PDE1A: variants seen among roughly 807,000 people sequenced by gnomAD.
The protein encoded by PDE1A is phosphodiesterase 1A.
Under a neutral mutation model 61.7 loss-of-function variants are expected in PDE1A, and 35 were observed. That is an observed-to-expected ratio of 0.57 (90% CI 0.43 to 0.75). The LOEUF is 0.75. Ranked by LOEUF, PDE1A falls within the 30% of genes least tolerant of loss-of-function variation. The pLI is 0.00. For missense variants in PDE1A, 597 were observed against 630.6 expected (o/e 0.95, Z 0.57); for synonymous variants, 232 against 213.2 (o/e 1.09, Z -0.77).
chr2:182,487,267 A>G (rs1688078407), intron 2 of PDE1A, among the ~76,000 whole-genome samples: 1 of 152,192 alleles, frequency 6.6e-6, no homozygotes, highest in Non-Finnish European at 1.5e-5. Flanking sequence ...CTGCCGTACC[A>G]GGTGCCAGCG....
At chr2:182,430,850 C>T (rs1703902964), upstream of PDE1A, among the ~76,000 whole-genome samples, 1 of 120,614 alleles carries the variant, frequency 8.3e-6, no homozygotes, top group Non-Finnish European at 1.7e-5. Flanking sequence ...AGTAAACTAT[C>T]GCAAGAACAA....
At chr2:182,162,653 G>C (rs1691444154) in intron 13 of PDE1A, among the ~76,000 whole-genome samples, 1 of 152,114 alleles carries the variant, frequency 6.6e-6, no homozygotes, top group Non-Finnish European at 1.5e-5. Context: ...CTCTGGCCTT[G>C]TATCAGGGAA....
chr2:182,663,195 G>T, the PDE1A span, among the ~76,000 whole-genome samples: 4 of 152,184 alleles, frequency 2.6e-5, no homozygotes, highest in Non-Finnish European at 5.9e-5. Context: ...ACACTGGCAA[G>T]GTTGCAGAGA....
intron 13 of PDE1A, among the ~76,000 whole-genome samples, chr2:182,171,281 A>G: frequency 6.6e-6 from 1 of 152,066 alleles, no homozygotes; most frequent in East Asian, 1.9e-4. Context: ...TTTTATAGGA[A>G]TTCTAATGAA....
At chr2:182,355,595 C>T (rs915287218) in intron 1 of PDE1A, among the ~76,000 whole-genome samples, 1 of 151,934 alleles carries the variant, frequency 6.6e-6, no homozygotes, top group Non-Finnish European at 1.5e-5. Flanking sequence ...TGCCATATCT[C>T]ATCATACATC....
At chr2:182,566,437 GA>G in the PDE1A span, among the ~76,000 whole-genome samples, 1 of 151,594 alleles carries the variant, frequency 6.6e-6, no homozygotes, top group African/African-American at 2.4e-5. Context: ...ATAATGGAGG[GA>G]AAGATTTCAG....
the PDE1A span, among the ~76,000 whole-genome samples, chr2:182,648,048 G>C: frequency 1.3e-5 from 2 of 152,036 alleles, no homozygotes; most frequent in Non-Finnish European, 2.9e-5. Context: ...TAGAACACTT[G>C]TTTAAAAAAC....
chr2:182,449,865 A>G (rs1202737372), intron 2 of PDE1A, among the ~76,000 whole-genome samples: 2 of 152,014 alleles, frequency 1.3e-5, no homozygotes, highest in Non-Finnish European at 2.9e-5. Context: ...CTAATAACTG[A>G]AGAGAATCAG....
chr2:182,645,890 A>G, the PDE1A span, among the ~76,000 whole-genome samples: 1 of 152,186 alleles, frequency 6.6e-6, no homozygotes, highest in Non-Finnish European at 1.5e-5. Flanking sequence ...TTCATGTTAA[A>G]TGTCATCCAA....
intron 1 of PDE1A, among the ~76,000 whole-genome samples, chr2:182,419,496 C>G (rs960463823): frequency 6.6e-6 from 1 of 151,948 alleles, no homozygotes; most frequent in African/African-American, 2.4e-5. Context: ...CCACCACATC[C>G]GGCTAATTTG....
At chr2:182,359,066 C>T (rs1349916314) in intron 1 of PDE1A, among the ~76,000 whole-genome samples, 1 of 151,188 alleles carries the variant, frequency 6.6e-6, no homozygotes, top group Non-Finnish European at 1.5e-5. Flanking sequence ...ACTATAATTC[C>T]TAACATGTAG....
chr2:182,268,137 C>T (rs1249542439), intron 1 of PDE1A, among the ~76,000 whole-genome samples: 3 of 151,946 alleles, frequency 2.0e-5, no homozygotes, highest in Non-Finnish European at 4.4e-5. Flanking sequence ...TGTTCTGGTT[C>T]CCAAAGCTTA....
chr2:182,549,639 G>T, the PDE1A span, among the ~76,000 whole-genome samples: 1 of 151,980 alleles, frequency 6.6e-6, no homozygotes, highest in Non-Finnish European at 1.5e-5. Context: ...AGGCAAAACT[G>T]GGGAACTCTC....
the PDE1A span, among the ~76,000 whole-genome samples, chr2:182,546,993 C>CA: frequency 1.3e-5 from 2 of 151,968 alleles, no homozygotes; most frequent in Non-Finnish European, 2.9e-5. Context: ...TTTATGGAAT[C>CA]AAAAAAATGA....
chr2:182,270,099 C>T (rs73032434), intron 1 of PDE1A, among the ~76,000 whole-genome samples: 93 of 152,218 alleles, frequency 6.1e-4, no homozygotes, highest in African/African-American at 2.2e-3. Context: ...AAAATATGTG[C>T]TGAGCACACT....
At chr2:182,348,623 T>C (rs1039302193) in intron 1 of PDE1A, among the ~76,000 whole-genome samples, 7 of 151,986 alleles carry the variant, frequency 4.6e-5, no homozygotes, top group African/African-American at 1.7e-4. Context: ...ATGTATCCAA[T>C]TGATTATTTG....
chr2:182,486,404 A>G (rs139654285), intron 2 of PDE1A, among the ~76,000 whole-genome samples: 4 of 152,234 alleles, frequency 2.6e-5, no homozygotes, highest in Admixed American at 2.6e-4. Flanking sequence ...TAATATTTCT[A>G]TCAAAACCCC....
chr2:182,615,328 C>A, the PDE1A span, among the ~76,000 whole-genome samples: 1 of 151,806 alleles, frequency 6.6e-6, no homozygotes, highest in African/African-American at 2.4e-5. Context: ...GCTGTAAAAC[C>A]CAGCTAAAAT....
chr2:182,360,351 T>G (rs1699427169), intron 1 of PDE1A, among the ~76,000 whole-genome samples: 3 of 152,066 alleles, frequency 2.0e-5, no homozygotes, highest in Non-Finnish European at 4.4e-5. Flanking sequence ...GCAATCGGAT[T>G]TGGCAAGTGT....
Sources: allele counts gnomAD v4.1 joint callset (sites outside exome capture counted in the v4.1 genomes callset), GRCh38; gene constraint gnomAD v4.1.1; transcripts MANE v1.5; gene names NCBI Gene and HGNC (gene_info 2026-07-23, HGNC 2026-07-21).